The following CELA3B variants were observed in gnomAD, a reference collection of about 807,000 sequenced individuals.
The protein encoded by CELA3B is chymotrypsin like elastase 3B.
A neutral mutation model predicts 37.2 loss-of-function variants in CELA3B; 34 were observed. The ratio of observed to expected loss-of-function variants is 0.91; its 90% CI spans 0.70 to 1.22. CELA3B has a LOEUF of 1.22. Ranked by LOEUF, CELA3B falls within the 50% of genes most tolerant of loss-of-function variation. The pLI is 0.00. For synonymous variants in CELA3B, 127 were observed against 143.5 expected (o/e 0.89, Z 0.82); for missense variants, 340 against 363.1 (o/e 0.94, Z 0.52).
At chr1:21,989,827 G>C (rs969095142), downstream of CELA3B, among the ~76,000 whole-genome samples, 1 of 150,806 alleles carries the variant, frequency 6.6e-6, no homozygotes, top group African/African-American at 2.5e-5. Context: ...GCTCAGAGGG[G>C]TAAGGAGACA....
chr1:21,978,789 G>T, intron 2 of CELA3B, among the ~76,000 whole-genome samples: 1 of 152,088 alleles, frequency 6.6e-6, no homozygotes, highest in East Asian at 1.9e-4. Context: ...GATACAACAG[G>T]GCTATGGGGT....
intron 4 of CELA3B, among the ~76,000 whole-genome samples, chr1:21,994,473 C>T (rs1289660664): frequency 3.3e-5 from 5 of 150,992 alleles, no homozygotes; most frequent in Admixed American, 2.6e-4. Context: ...GCACCTCCCT[C>T]ACCGAGACAG....
intron 1 of CELA3B, among the ~76,000 whole-genome samples, chr1:21,977,685 C>T (rs1379998863): frequency 6.6e-6 from 1 of 152,098 alleles, no homozygotes; most frequent in Non-Finnish European, 1.5e-5. Flanking sequence ...AGTAAAGTAG[C>T]TTATCATAGA....
downstream of CELA3B, among the ~76,000 whole-genome samples, chr1:21,993,256 T>A (rs1348298974): frequency 1.3e-5 from 2 of 150,628 alleles, no homozygotes; most frequent in African/African-American, 2.5e-5. Context: ...AGGTCAGGAG[T>A]TCGAGACCAG....
intron 7 of CELA3B, among the ~76,000 whole-genome samples, chr1:21,989,012 T>G (rs1183203045): frequency 6.6e-6 from 1 of 152,026 alleles, no homozygotes; most frequent in African/African-American, 2.4e-5. Context: ...TATATATCTA[T>G]GCACACATCC....
At chr1:21,993,671 G>T (rs1644878196), downstream of CELA3B, among the ~76,000 whole-genome samples, 1 of 146,738 alleles carries the variant, frequency 6.8e-6, no homozygotes, top group African/African-American at 2.6e-5. Flanking sequence ...AACCTCCCAA[G>T]TAGCTGGGAC....
Position 21,981,028 on chromosome 1 carries a change from C to T in CELA3B, c.228-10C>T. 1 of 1,614,064 alleles carries T rather than the reference C, an allele frequency of 6.2e-7. No individual in the cohort carries two copies. The highest frequency in any genetic ancestry group is 1.1e-5 in the South Asian group (1 of 91,058). On this transcript the variant is annotated splice_polypyrimidine_tract_variant and intron_variant, in intron 3 of 7. Transcript: ENST00000337107. ...AGTCAGGCCCAGACTGACCTCACCT[C>T]CGCCCGCAGGAGCTCCCGGACCTAC...
chr1:21,985,719 G>C (rs1166112164), intron 6 of CELA3B, among the ~76,000 whole-genome samples: 5 of 151,810 alleles, frequency 3.3e-5, no homozygotes, highest in African/African-American at 1.2e-4. Context: ...GTGAAACCTC[G>C]TCTCTACTAA....
intron 6 of CELA3B, among the ~76,000 whole-genome samples, chr1:21,984,926 G>A (rs997689634): frequency 4.6e-5 from 7 of 151,732 alleles, no homozygotes; most frequent in Non-Finnish European, 8.8e-5. Context: ...CAGGCTGGGC[G>A]ACAGAGTGAG....
At position 21,983,758 on chromosome 1, in the gene CELA3B, TCACTCCCTCCGG is replaced by T; in HGVS notation, c.429_440del (p.Leu144_Ala147del). On this transcript the variant is annotated inframe_deletion, in exon 5 of 8. Transcript: ENST00000337107. ...GCTGGGAGACGCCGTCCAGCTCGCCTCACTCCCTCCGGCTGGTGACATCCTTCCCAACGAGAC... is the reference window on the plus strand; with the variant it reads ...GCTGGGAGACGCCGTCCAGCTCGCCTCTGGTGACATCCTTCCCAACGAGAC... 1 of 1,614,060 alleles carries T rather than the reference TCACTCCCTCCGG, an allele frequency of 6.2e-7. No homozygotes were observed. Among genetic ancestry groups the T allele is most frequent in the Non-Finnish European group, 8.5e-7 (1 of 1,180,010 alleles).
intron 1 of CELA3B, 119 bp from the exon 2 acceptor site, chr1:21,978,250 G>A (rs1411575049): frequency 2.6e-5 from 26 of 1,007,814 alleles, no homozygotes; most frequent in Non-Finnish European, 3.6e-5. Flanking sequence ...TCCAGAGGGC[G>A]AAAGGGGCTT....
At chr1:21,982,777 A>G (rs949660568) in intron 4 of CELA3B, among the ~76,000 whole-genome samples, 9 of 152,018 alleles carry the variant, frequency 5.9e-5, no homozygotes, top group African/African-American at 2.2e-4. Context: ...TTCCAGGTTC[A>G]CACCATTCTC....
intron 6 of CELA3B, 125 bp downstream of exon 6, chr1:21,984,456 G>A (rs1018142501): frequency 3.0e-6 from 4 of 1,337,254 alleles, no homozygotes; most frequent in Non-Finnish European, 4.1e-6. Flanking sequence ...GGCCAGGCAG[G>A]ACTTGGAGGA....
In CELA3B at chr1:21,983,811, C is replaced by T. The variant is rs747830403; in HGVS notation, c.480C>T (p.Thr160=). The change falls in exon 5 of 8, where the codon ACC becomes ACT. Residue 160 remains threonine (T), a synonymous_variant. Coordinates refer to ENST00000337107, the MANE Select transcript of CELA3B (RefSeq NM_007352.4). ...ILPNETPCYI[T]GWGRLYTNGP... ...CCAACGAGACACCCTGCTACATCAC[C>T]GGCTGGGGCCGTCTCTATAGTACGT... The T allele has an allele frequency of 3.0e-5, 48 of 1,613,888 alleles. 1 individual carries two copies. The highest frequency in any genetic ancestry group is 5.3e-5 in the African/African-American group (4 of 74,912).
chr1:21,988,936 C>G (rs1361606387), intron 7 of CELA3B, among the ~76,000 whole-genome samples: 7 of 151,626 alleles, frequency 4.6e-5, no homozygotes, highest in Non-Finnish European at 8.8e-5. Flanking sequence ...TATATACATA[C>G]ATACATACAT....
Position 21,984,296 on chromosome 1 carries a change from G to A in CELA3B, c.607G>A (p.Val203Met), listed in dbSNP as rs202009504. The change falls in exon 6 of 8, where the codon GTG becomes ATG. Residue 203 changes from valine (V) to methionine (M), a missense_variant. Physicochemically the swap from Val to Met is conservative, Grantham distance 21. Transcript: ENST00000337107. ...WWGSSVKKTM[V>M]CAGGDIRSGC... ...GGGTTCCTCCGTGAAGAAGACCATG[G>A]TGTGTGCTGGAGGGGACATCCGCTC... The A allele has an allele frequency of 8.4e-5, 135 of 1,614,020 alleles. No homozygotes were observed. Among genetic ancestry groups the A allele is most frequent in the Middle Eastern group, 3.3e-4 (2 of 6,064 alleles).
At chr1:21,983,616 T>A in intron 4 of CELA3B, 78 bp from the exon 5 acceptor site, 2 of 1,577,450 alleles carry the variant, frequency 1.3e-6, no homozygotes, top group South Asian at 2.3e-5. Context: ...AGAGGCGGAA[T>A]AGCCTGGAGC....
chr1:21,995,556 C>G (rs556070692), intron 4 of CELA3B, among the ~76,000 whole-genome samples: 14 of 151,228 alleles, frequency 9.3e-5, no homozygotes, highest in South Asian at 2.1e-4. Flanking sequence ...GAAGAGATGC[C>G]TACAAATTTC....
At chr1:21,995,840 T>G (rs957180864) in intron 4 of CELA3B, among the ~76,000 whole-genome samples, 3 of 146,582 alleles carry the variant, frequency 2.0e-5, no homozygotes, top group African/African-American at 7.8e-5. Context: ...CGAGCAAAGG[T>G]TCTGTTCCCT....
Sources: gnomAD v4.1 joint callset for allele counts (sites outside exome capture counted in the v4.1 genomes callset) on GRCh38, gnomAD v4.1.1 for gene constraint, MANE v1.5 for transcripts, NCBI Gene and HGNC (gene_info 2026-07-23, HGNC 2026-07-21) for gene names.